CEP131: variants seen among roughly 807,000 people sequenced by gnomAD.
CEP131 encodes centrosomal protein of 131 kDa.
In CEP131, 99 loss-of-function variants were observed where a neutral mutation model predicts 136.8. The ratio of observed to expected loss-of-function variants is 0.72; its 90% CI spans 0.62 to 0.86. CEP131 has a LOEUF of 0.86. Ranked by LOEUF, CEP131 falls within the 40% of genes least tolerant of loss-of-function variation. The pLI, the probability that CEP131 is intolerant of heterozygous loss-of-function variation, is 0.00. For synonymous variants in CEP131, 646 were observed against 612.7 expected (o/e 1.05, Z -0.80); for missense variants, 1,459 against 1,463.0 (o/e 1.00, Z 0.04).
chr17:81,217,682 G>C (rs1455878867), intron 2 of CEP131, among the ~76,000 whole-genome samples: 1 of 152,180 alleles, frequency 6.6e-6, no homozygotes, highest in Non-Finnish European at 1.5e-5. Flanking sequence ...TCGAGCGAGG[G>C]CCTCAAAGAA....
In CEP131 at chr17:81,197,852, C is replaced by T. The variant is rs1360630240; in HGVS notation, c.1507G>A (p.Glu503Lys). 3 of 1,613,136 alleles carry T rather than the reference C, an allele frequency of 1.9e-6. No homozygotes were observed. Among genetic ancestry groups the T allele is most frequent in the Non-Finnish European group, 2.5e-6 (3 of 1,179,902 alleles). Residue 503 changes from glutamate (E) to lysine (K), a missense_variant, in exon 13 of 26, where the codon GAG becomes AAG. This residue lies in a region of CEP131 where 1,026 missense variants were observed against 964.2 expected (regional missense o/e 1.06). Transcript: ENST00000450824. Reference protein sequence around the residue: ...DASSLTADNLEKFGKLSAFPE... With the variant: ...DASSLTADNLKKFGKLSAFPE... ...AACGCACTGAGTTTTCCAAATTTCT[C>T]CAAGTTGTCAGCTGTCAGAGAGCTG... is the stretch of plus-strand genomic sequence containing the variant.
intron 15 of CEP131, among the ~76,000 whole-genome samples, 183 bp downstream of exon 15, chr17:81,196,518 A>C (rs2061758226): frequency 2.0e-5 from 3 of 152,206 alleles, no homozygotes; most frequent in Non-Finnish European, 4.4e-5. Context: ...TAAAGACAGG[A>C]GTGCCCTCTC....
rs1327962395 is a variant in CEP131, at chr17:81,207,175, C to T, written c.337G>A (p.Ala113Thr). ...TCGCTGGGGGCTGTGCTCAGGCTGGCAGGCCTCTTTTTCCCACTGGGGCTG... is the reference window on the plus strand; with the variant it reads ...TCGCTGGGGGCTGTGCTCAGGCTGGTAGGCCTCTTTTTCCCACTGGGGCTG... ...EGSPSGKKRP[A>T]SLSTAPSEKG... Residue 113 changes from alanine to threonine, a missense_variant, in exon 4 of 26, where the codon GCC (alanine) becomes ACC (threonine). Coordinates refer to ENST00000450824, the MANE Select transcript of CEP131 (RefSeq NM_014984.4). The T allele has an allele frequency of 6.2e-7, 1 of 1,613,672 alleles. No homozygotes were observed. Among genetic ancestry groups the T allele is most frequent in the Non-Finnish European group, 8.5e-7 (1 of 1,179,924 alleles).
chr17:81,217,382 G>C (rs549133448), intron 2 of CEP131, among the ~76,000 whole-genome samples: 3 of 152,108 alleles, frequency 2.0e-5, no homozygotes, highest in African/African-American at 7.2e-5. Flanking sequence ...AGGTCTCCGA[G>C]CCAGGGGACA....
Position 81,199,480 on chromosome 17 carries a change from G to A in CEP131, c.1093C>T (p.Pro365Ser), listed in dbSNP as rs201264503. ...ATTCCTGGCACTCTGGTCTCCCTGG[G>A]ATTCTCAGGTGGCCCACGCTCGGCA... ...STAERGPPEN[P>S]RETRVPGMRQ... Residue 365 changes from proline (P) to serine (S), a missense_variant, in exon 10 of 26, where the codon CCC becomes TCC. Pro to Ser is a moderately conservative substitution (Grantham distance 74). Transcript: ENST00000450824. The A allele has an allele frequency of 1.8e-4, 284 of 1,609,408 alleles. No individual in the cohort carries two copies. Among genetic ancestry groups the A allele is most frequent in the Middle Eastern group, 1.7e-4 (1 of 6,002 alleles).
chr17:81,218,717 G>A (rs890010882), intron 2 of CEP131, among the ~76,000 whole-genome samples: 22 of 152,312 alleles, frequency 1.4e-4, no homozygotes, highest in African/African-American at 3.1e-4. Context: ...CCCGGAACTC[G>A]GCTAGCCGTC....
chr17:81,191,147 C>T, intron 22 of CEP131, 46 bp downstream of exon 22: 1 of 1,607,476 alleles, frequency 6.2e-7, no homozygotes, highest in South Asian at 1.1e-5. Flanking sequence ...TGCGCCTCAG[C>T]TCGTGGGCCT....
At chr17:81,212,450 C>T (rs1172234776) in intron 2 of CEP131, among the ~76,000 whole-genome samples, 1 of 152,054 alleles carries the variant, frequency 6.6e-6, no homozygotes, top group African/African-American at 2.4e-5. Flanking sequence ...GGGGCCCGTG[C>T]AGAGGGACTG....
intron 24 of CEP131, 117 bp from the exon 25 acceptor site, chr17:81,190,092 A>T: frequency 1.1e-6 from 1 of 919,972 alleles, no homozygotes. Flanking sequence ...AGCCCTGCTG[A>T]CCACGACTCC....
chr17:81,209,244 C>T lies in CEP131; in HGVS notation c.178-222G>A, dbSNP rs72858462. Reference sequence around the variant, plus strand: ...TCAGGCCCGACCTCTAAGAGCTTCCCCGTCCCCGCATCAAGCAGGAGCCCT... The same window carrying T: ...TCAGGCCCGACCTCTAAGAGCTTCCTCGTCCCCGCATCAAGCAGGAGCCCT... On this transcript the variant is annotated intron_variant, in intron 2 of 25. Transcript: ENST00000450824. Among the ~76,000 whole-genome samples the T allele has an allele frequency of 4.7e-3, 719 of 152,248 alleles. 4 individuals are homozygous for T. The highest frequency in any genetic ancestry group is 0.01 in the Middle Eastern group (3 of 294).
chr17:81,193,760 G>A (rs1010637931), intron 18 of CEP131, among the ~76,000 whole-genome samples, 166 bp downstream of exon 18: 25 of 152,204 alleles, frequency 1.6e-4, no homozygotes, highest in African/African-American at 6.0e-4. Context: ...GCCCGGCTGA[G>A]GCTGGGCCCC....
At chr17:81,191,486 T>C (rs2061641519) in intron 21 of CEP131, 151 bp from the exon 22 acceptor site, 1 of 691,722 alleles carries the variant, frequency 1.4e-6, no homozygotes, top group African/African-American at 1.8e-5. Context: ...AGGGGTGCGC[T>C]ACGTCCTGTT....
chr17:81,212,045 T>G (rs1484246053), intron 2 of CEP131, among the ~76,000 whole-genome samples: 3 of 151,684 alleles, frequency 2.0e-5, no homozygotes. Flanking sequence ...CCGGGTGCGG[T>G]GGCTCATGCC....
rs765889538 is a variant in CEP131 at position 81,192,805 on chromosome 17, T to G, written c.2360A>C (p.Gln787Pro). The G allele has an allele frequency of 6.3e-7, 1 of 1,598,206 alleles. No individual in the cohort carries two copies. Among genetic ancestry groups the G allele is most frequent in the African/African-American group, 1.3e-5 (1 of 74,870 alleles). The change falls in exon 19 of 26, where the codon CAG becomes CCG. Residue 787 changes from glutamine to proline, a missense_variant. Around this residue, in one of 3 missense-constraint regions of CEP131, gnomAD observed 1,026 missense variants for 964.2 expected, o/e 1.06. Coordinates refer to ENST00000450824, the MANE Select transcript of CEP131 (RefSeq NM_014984.4). The stretch of plus-strand genomic sequence containing the variant: ...ACTGTACAGCCGCTGCCGTTGCTGC[T>G]GCAGCGCCCACTGCTCCTGCTCCAG... ...QHLEQEQWAL[Q>P]QQRQRLYSEV...
In CEP131 at chr17:81,203,253, G is replaced by A. The variant is rs956818711; in HGVS notation, c.629+241C>T. On this transcript the variant is annotated intron_variant, in intron 6 of 25. Coordinates refer to ENST00000450824, the MANE Select transcript of CEP131 (RefSeq NM_014984.4). This position sits in a 1 kb window ranked among gnomAD's most constrained non-coding sequence, Gnocchi z 4.6. The stretch of plus-strand genomic sequence containing the variant: ...GGAAGCTGCCGACCCAAGAACAGAA[G>A]AGGGCGGCGGACGTGGATGGGGAGC... 3.3e-5 allele frequency among the ~76,000 whole-genome samples: 5 copies of A among 152,350 alleles called. No homozygotes were observed. Among genetic ancestry groups the A allele is most frequent in the African/African-American group, 1.2e-4 (5 of 41,588 alleles).
At chr17:81,209,261 A>G (rs2062082240) in intron 2 of CEP131, among the ~76,000 whole-genome samples, 1 of 152,170 alleles carries the variant, frequency 6.6e-6, no homozygotes, top group Non-Finnish European at 1.5e-5. Context: ...CGCATCAAGC[A>G]GGAGCCCTTC....
In CEP131 at chr17:81,198,129, C is replaced by G; in HGVS notation, c.1456G>C (p.Ala486Pro). 1 of 1,567,872 alleles carries G rather than the reference C, an allele frequency of 6.4e-7. No homozygotes were observed. The highest frequency in any genetic ancestry group is 2.0e-4 in the Middle Eastern group (1 of 5,022). The change falls in exon 12 of 26, where the codon GCC becomes CCC. Residue 486 changes from alanine to proline, a missense_variant. This residue lies in a region of CEP131 where 1,026 missense variants were observed against 964.2 expected (regional missense o/e 1.06). Transcript: ENST00000450824. ...RPRTHHRGRY[A>P]WASEEDDASS... Reference sequence around the variant, plus strand: ...ACCGTGGTCACCTCGCTGGCCCAGGCGTATCTGCCCCTGTGATGGGTCCTG... The same window carrying G: ...ACCGTGGTCACCTCGCTGGCCCAGGGGTATCTGCCCCTGTGATGGGTCCTG...
intron 1 of CEP131, among the ~76,000 whole-genome samples, chr17:81,221,041 C>A (rs1238388052): frequency 7.0e-6 from 1 of 143,230 alleles, no homozygotes; most frequent in African/African-American, 2.5e-5. Context: ...AGGGGAATTA[C>A]TTGAACCTGG....
chr17:81,191,346 A>T lies in CEP131; in HGVS notation c.2623-11T>A, dbSNP rs371645393. 1 of 1,612,292 alleles carries T rather than the reference A, an allele frequency of 6.2e-7. No homozygotes were observed. The highest frequency in any genetic ancestry group is 1.3e-5 in the African/African-American group (1 of 74,922). On this transcript the variant is annotated splice_polypyrimidine_tract_variant and intron_variant, in intron 21 of 25. Transcript: ENST00000450824. ...CAGCAGCCACGCCTCCTGGGGGGAC[A>T]TGCGCTGCCTGGGGGTTGCCACCCG...
Sources: allele counts gnomAD v4.1 joint callset (sites outside exome capture counted in the v4.1 genomes callset), GRCh38; gene constraint gnomAD v4.1.1; regional missense constraint gnomAD v4.1.1; non-coding constraint Gnocchi (gnomAD v3.1); transcripts MANE v1.5; gene names NCBI Gene and HGNC (gene_info 2026-07-23, HGNC 2026-07-21).